Variants in CADPS observed in about 807,000 individuals in gnomAD.
The protein encoded by CADPS is calcium-dependent secretion activator 1.
CADPS carries 57 observed loss-of-function variants against 167.3 expected under a neutral mutation model. That is an observed-to-expected ratio of 0.34 (90% CI 0.28 to 0.42). The LOEUF is 0.42. Among genes scored for constraint, CADPS ranks in the 20% least tolerant of loss-of-function variants. The probability of loss-of-function intolerance (pLI) is 1.00; values close to 1 mark genes in which losing one functional copy is unlikely to be tolerated. For missense variants in CADPS, 1,414 were observed against 1,738.1 expected, an observed-to-expected ratio of 0.81 and a Z score of 3.32; for synonymous variants, 676 against 635.3, an observed-to-expected ratio of 1.06 and a Z score of -0.96.
At chr3:62,863,943 A>G (rs2081253233) in intron 1 of CADPS, among the ~76,000 whole-genome samples, 1 of 152,226 alleles carries the variant, frequency 6.6e-6, no homozygotes, top group South Asian at 2.1e-4. Flanking sequence ...GTGTGAGGAC[A>G]TTGAAAGGAG....
At chr3:62,749,154 C>A (rs2082153399) in intron 3 of CADPS, among the ~76,000 whole-genome samples, 1 of 152,058 alleles carries the variant, frequency 6.6e-6, no homozygotes, top group African/African-American at 2.4e-5. Flanking sequence ...GAGATTTATC[C>A]ACTAATTCTC....
At chr3:62,849,781 G>A (rs1487951293) in intron 1 of CADPS, among the ~76,000 whole-genome samples, 1 of 137,932 alleles carries the variant, frequency 7.2e-6, no homozygotes, top group Non-Finnish European at 1.5e-5. Context: ...TCAGAATGAT[G>A]CTGGCCTCAT....
intron 3 of CADPS, among the ~76,000 whole-genome samples, chr3:62,679,387 CCAGA>C (rs2076797539): frequency 1.2e-5 from 1 of 80,726 alleles, no homozygotes; most frequent in Admixed American, 1.4e-4. Flanking sequence ...AGATGCTGGT[CCAGA>C]TGCTGGTCCA....
intron 26 of CADPS, among the ~76,000 whole-genome samples, chr3:62,453,842 G>A (rs373824438): frequency 2.0e-5 from 3 of 152,182 alleles, no homozygotes; most frequent in East Asian, 1.9e-4. Context: ...CTTACCGAAC[G>A]TCAGTACTGT....
chr3:62,639,703 C>T (rs371951308), intron 6 of CADPS, among the ~76,000 whole-genome samples: 48 of 152,284 alleles, frequency 3.2e-4, no homozygotes, highest in African/African-American at 7.2e-4. Flanking sequence ...GCTTAAACTC[C>T]GCCAATAGCT....
At chr3:62,578,041 A>C (rs2082638461) in intron 8 of CADPS, among the ~76,000 whole-genome samples, 1 of 152,208 alleles carries the variant, frequency 6.6e-6, no homozygotes, top group Non-Finnish European at 1.5e-5. Flanking sequence ...AAATAGGCTA[A>C]ATATCTCAAC....
intron 22 of CADPS, 28 bp downstream of exon 22, chr3:62,481,695 T>A (rs774639035): frequency 1.3e-6 from 2 of 1,534,334 alleles, no homozygotes; most frequent in Admixed American, 4.7e-5. Flanking sequence ...TAAATTTAAA[T>A]GAGATCTAAT....
chr3:62,755,925 C>A (rs1003901875), intron 2 of CADPS, among the ~76,000 whole-genome samples: 2 of 152,106 alleles, frequency 1.3e-5, no homozygotes, highest in Non-Finnish European at 1.5e-5. Flanking sequence ...TGGAGGAAGT[C>A]TCTGGAAAGG....
At chr3:62,762,806 T>C (rs1454505477) in intron 2 of CADPS, among the ~76,000 whole-genome samples, 1 of 152,158 alleles carries the variant, frequency 6.6e-6, no homozygotes, top group East Asian at 1.9e-4. Context: ...GAGTAATGAA[T>C]ATATGCATTA....
In CADPS at chr3:62,481,736, T is replaced by A. The variant is rs780894973; in HGVS notation, c.3160A>T (p.Ile1054Leu). Residue 1054 changes from isoleucine to leucine, a missense_variant, in exon 22 of 30, where the codon ATA (isoleucine) becomes TTA (leucine). By Grantham distance (5) the Ile-to-Leu change is conservative. This residue lies in a region of CADPS where 529 missense variants were observed against 629.6 expected (regional missense o/e 0.84). Coordinates refer to ENST00000383710, the MANE Select transcript of CADPS (RefSeq NM_003716.4). ...TFSAPSWMAAIYDADNGSGTS... is the reference protein window; with the variant it reads ...TFSAPSWMAALYDADNGSGTS... The stretch of plus-strand genomic sequence containing the variant: ...CTGAATACACACTCCGCATCATATA[T>A]AGCAGCCATCCATGACGGTGCCGAA... The A allele has an allele frequency of 6.2e-7, 1 of 1,603,682 alleles. No homozygotes were observed. Among genetic ancestry groups the A allele is most frequent in the Admixed American group, 1.8e-5 (1 of 57,010 alleles).
At chr3:62,634,400 T>C (rs1395908967) in intron 6 of CADPS, among the ~76,000 whole-genome samples, 1 of 152,242 alleles carries the variant, frequency 6.6e-6, no homozygotes, top group African/African-American at 2.4e-5. Context: ...TATTTGTACA[T>C]ATTTTTGTAG....
intron 6 of CADPS, among the ~76,000 whole-genome samples, chr3:62,609,457 C>A (rs556402573): frequency 6.6e-5 from 10 of 152,252 alleles, no homozygotes; most frequent in Admixed American, 4.6e-4. Flanking sequence ...AATTAAGTGG[C>A]AGAGAGTAAA....
chr3:62,467,762 G>T (rs2060113924), intron 24 of CADPS, among the ~76,000 whole-genome samples: 1 of 152,096 alleles, frequency 6.6e-6, no homozygotes, highest in South Asian at 2.1e-4. Flanking sequence ...TTTTTAGCGG[G>T]TCTATGCTAG....
chr3:62,581,463 A>AAC (rs1478992731), intron 8 of CADPS, among the ~76,000 whole-genome samples: 1 of 151,474 alleles, frequency 6.6e-6, no homozygotes, highest in African/African-American at 2.4e-5. Context: ...AAAAAAAAAA[A>AAC]AAAAGGAGTT....
intron 3 of CADPS, among the ~76,000 whole-genome samples, chr3:62,703,272 C>A (rs1354615225): frequency 6.6e-6 from 1 of 152,148 alleles, no homozygotes; most frequent in African/African-American, 2.4e-5. Context: ...CTGAACGACC[C>A]AATGAATGAA....
At chr3:62,714,374 G>C (rs1580981352) in intron 3 of CADPS, among the ~76,000 whole-genome samples, 1 of 152,214 alleles carries the variant, frequency 6.6e-6, no homozygotes, top group South Asian at 2.1e-4. Flanking sequence ...AATGTGGAGA[G>C]ATCACATTAG....
Position 62,619,908 on chromosome 3 carries a change from A to G in CADPS, c.1325+25814T>C, listed in dbSNP as rs533202931. Among the ~76,000 whole-genome samples, 11 of 152,234 alleles carry G rather than the reference A, an allele frequency of 7.2e-5. No homozygotes were observed. The South Asian group carries it at 1.9e-3, about 26-fold the overall frequency. ...ACCATCAATATATTATTATTTGTGG[A>G]CAGAGGCTGCTTCAGGACACATCTC... On this transcript the variant is annotated intron_variant, in intron 6 of 29. Transcript: ENST00000383710.
intron 6 of CADPS, among the ~76,000 whole-genome samples, chr3:62,613,333 G>T (rs2061763763): frequency 6.6e-6 from 1 of 152,158 alleles, no homozygotes; most frequent in African/African-American, 2.4e-5. Context: ...CAGCTCCAGA[G>T]TTCCTAGGTG....
At chr3:62,584,437 G>A (rs917146674) in intron 8 of CADPS, among the ~76,000 whole-genome samples, 6 of 152,178 alleles carry the variant, frequency 3.9e-5, no homozygotes, top group East Asian at 1.9e-4. Flanking sequence ...AGTTGGCAGC[G>A]TACCTGCAGA....
Sources: gnomAD v4.1 joint callset for allele counts (sites outside exome capture counted in the v4.1 genomes callset) on GRCh38, gnomAD v4.1.1 for gene constraint, gnomAD v4.1.1 regional missense constraint, MANE v1.5 for transcripts, NCBI Gene and HGNC (gene_info 2026-07-23, HGNC 2026-07-21) for gene names.